The following FRMD3 variants were observed in gnomAD, a reference collection of about 807,000 sequenced individuals.
The protein encoded by FRMD3 is FERM domain containing 3.
In FRMD3, 33 loss-of-function variants were observed where a neutral mutation model predicts 70.2. The ratio of observed to expected loss-of-function variants is 0.47; its 90% CI spans 0.36 to 0.63. FRMD3 has a LOEUF of 0.63. Among genes scored for constraint, FRMD3 ranks in the 20% least tolerant of loss-of-function variants. The pLI, the probability that FRMD3 is intolerant of heterozygous loss-of-function variation, is 0.00. For synonymous variants in FRMD3, 279 were observed against 255.9 expected (o/e 1.09, Z -0.86); for missense variants, 632 against 711.4 (o/e 0.89, Z 1.27).
At chr9:83,444,132 C>G (rs1827388500) in intron 1 of FRMD3, among the ~76,000 whole-genome samples, 1 of 152,236 alleles carries the variant, frequency 6.6e-6, no homozygotes, top group African/African-American at 2.4e-5. Context: ...GCAACTGTAG[C>G]CACAGTGGGC....
chr9:83,384,138 A>T (rs997420585), intron 2 of FRMD3, among the ~76,000 whole-genome samples: 2 of 152,260 alleles, frequency 1.3e-5, no homozygotes, highest in South Asian at 4.1e-4. Context: ...CCCCTGACAC[A>T]CACACACAGA....
intron 4 of FRMD3, among the ~76,000 whole-genome samples, chr9:83,344,510 C>T (rs952429886): frequency 1.3e-5 from 2 of 152,300 alleles, no homozygotes; most frequent in Admixed American, 6.5e-5. Context: ...GAGTGGACCT[C>T]ATGCAATCCA....
chr9:83,332,455 G>A (rs1823417776), intron 6 of FRMD3, among the ~76,000 whole-genome samples: 1 of 150,908 alleles, frequency 6.6e-6, no homozygotes, highest in Admixed American at 6.6e-5. Flanking sequence ...GGCCATCTTG[G>A]TCCCACCTTC....
intron 3 of FRMD3, among the ~76,000 whole-genome samples, chr9:83,357,893 T>G (rs1355213165): frequency 1.3e-5 from 2 of 152,198 alleles, no homozygotes; most frequent in South Asian, 4.1e-4. Flanking sequence ...ACTCTGCTGA[T>G]TATTTATTTT....
chr9:83,363,599 G>A (rs530410147), intron 3 of FRMD3, among the ~76,000 whole-genome samples: 1 of 141,384 alleles, frequency 7.1e-6, no homozygotes, highest in East Asian at 2.1e-4. Flanking sequence ...TGTCGCCCAG[G>A]CTGGAGTGCA....
intron 1 of FRMD3, among the ~76,000 whole-genome samples, chr9:83,508,840 G>T (rs890215958): frequency 1.1e-4 from 16 of 152,100 alleles, no homozygotes; most frequent in African/African-American, 3.9e-4. Context: ...AGCTGCTTTT[G>T]CACCACATGA....
At chr9:83,356,342 C>G (rs1190608384) in intron 3 of FRMD3, among the ~76,000 whole-genome samples, 1 of 138,618 alleles carries the variant, frequency 7.2e-6, no homozygotes, top group Non-Finnish European at 1.5e-5. Context: ...GTGGCGCGAT[C>G]TCGGCTCACT....
chr9:83,445,883 G>A (rs946732949), intron 1 of FRMD3, among the ~76,000 whole-genome samples: 1 of 152,222 alleles, frequency 6.6e-6, no homozygotes, highest in Non-Finnish European at 1.5e-5. Context: ...AAGCCTAAGA[G>A]TCTGTGGTGA....
At chr9:83,394,886 A>G (rs1825770072) in intron 1 of FRMD3, among the ~76,000 whole-genome samples, 2 of 152,184 alleles carry the variant, frequency 1.3e-5, no homozygotes, top group African/African-American at 4.8e-5. Flanking sequence ...GCCTTAAGAA[A>G]GTCACCAAAT....
chr9:83,299,210 G>T, intron 10 of FRMD3, 24 bp from the exon 11 acceptor site: 1 of 1,549,558 alleles, frequency 6.5e-7, no homozygotes, highest in Non-Finnish European at 8.9e-7. Context: ...CAAAGCACAG[G>T]TGGTTAGGAC....
At chr9:83,510,834 T>A (rs1270343455) in intron 1 of FRMD3, among the ~76,000 whole-genome samples, 1 of 152,092 alleles carries the variant, frequency 6.6e-6, no homozygotes, top group African/African-American at 2.4e-5. Context: ...TAACATAAGG[T>A]AAATTCCCCC....
intron 1 of FRMD3, among the ~76,000 whole-genome samples, chr9:83,398,737 G>A (rs1245674797): frequency 6.6e-6 from 1 of 152,188 alleles, no homozygotes; most frequent in Non-Finnish European, 1.5e-5. Flanking sequence ...AGTAGCTAAA[G>A]CTAAGATAAT....
chr9:83,349,091 A>G (rs1223160710), intron 4 of FRMD3, among the ~76,000 whole-genome samples: 3 of 152,176 alleles, frequency 2.0e-5, no homozygotes, highest in Non-Finnish European at 4.4e-5. Context: ...CCTGCTCACA[A>G]CATGTGCCCA....
At chr9:83,283,111 C>T (rs767525881) in intron 13 of FRMD3, among the ~76,000 whole-genome samples, 12 of 152,148 alleles carry the variant, frequency 7.9e-5, no homozygotes, top group Non-Finnish European at 1.8e-4. Context: ...AGGTAAAAAG[C>T]TTTTGAAAAG....
chr9:83,463,145 A>G (rs1240018072), intron 1 of FRMD3, among the ~76,000 whole-genome samples: 1 of 152,230 alleles, frequency 6.6e-6, no homozygotes, highest in African/African-American at 2.4e-5. Context: ...AGAGCCAATC[A>G]GCAAGCATTT....
At chr9:83,356,919 G>C (rs1246216653) in intron 3 of FRMD3, among the ~76,000 whole-genome samples, 1 of 151,530 alleles carries the variant, frequency 6.6e-6, no homozygotes, top group African/African-American at 2.4e-5. Context: ...AGTCCCCAAA[G>C]TCCGTCATAT....
intron 3 of FRMD3, among the ~76,000 whole-genome samples, chr9:83,369,563 T>A (rs969579570): frequency 6.7e-6 from 1 of 149,802 alleles, no homozygotes; most frequent in Non-Finnish European, 1.5e-5. Flanking sequence ...GATGACAGAG[T>A]GAGACTCTGT....
upstream of FRMD3, among the ~76,000 whole-genome samples, chr9:83,541,804 A>C (rs1327440821): frequency 6.6e-6 from 1 of 152,218 alleles, no homozygotes; most frequent in Non-Finnish European, 1.5e-5. Context: ...CAAGCATCCA[A>C]CTAGGACTCA....
At chr9:83,279,717 A>G (rs1283081148) in intron 13 of FRMD3, among the ~76,000 whole-genome samples, 1 of 148,542 alleles carries the variant, frequency 6.7e-6, no homozygotes, top group Admixed American at 6.7e-5. Flanking sequence ...CACACACCAA[A>G]TGTTCTCACT....
Sources: gnomAD v4.1 joint callset for allele counts (sites outside exome capture counted in the v4.1 genomes callset) on GRCh38, gnomAD v4.1.1 for gene constraint, MANE v1.5 for transcripts, NCBI Gene and HGNC (gene_info 2026-07-23, HGNC 2026-07-21) for gene names.